The following MACROD2 variants were observed in gnomAD, a reference collection of about 807,000 sequenced individuals.
MACROD2 encodes the protein ADP-ribose glycohydrolase MACROD2.
In MACROD2, 36 loss-of-function variants were observed where a neutral mutation model predicts 70.4. The ratio of observed to expected loss-of-function variants is 0.51; its 90% CI spans 0.39 to 0.68. The LOEUF is 0.68. MACROD2 is among the 30% of genes least tolerant of loss of function. The probability of loss-of-function intolerance (pLI) is 0.00; values close to 1 mark genes in which losing one functional copy is unlikely to be tolerated. For missense variants in MACROD2, 496 were observed against 538.4 expected (o/e 0.92, Z 0.78); for synonymous variants, 172 against 178.8 (o/e 0.96, Z 0.30).
chr20:15,009,468 C>A (rs2075064871), intron 5 of MACROD2, among the ~76,000 whole-genome samples: 1 of 152,098 alleles, frequency 6.6e-6, no homozygotes, highest in Non-Finnish European at 1.5e-5. Context: ...CATCATCACT[C>A]CAGGTGTGTA....
intron 4 of MACROD2, among the ~76,000 whole-genome samples, chr20:14,589,840 A>C (rs1426921012): frequency 9.8e-5 from 15 of 152,332 alleles, no homozygotes; most frequent in African/African-American, 3.4e-4. Context: ...TAAATGCTAC[A>C]TACTGCTGTA....
At chr20:15,307,928 G>A (rs931659915) in intron 6 of MACROD2, among the ~76,000 whole-genome samples, 7 of 146,460 alleles carry the variant, frequency 4.8e-5, no homozygotes, top group African/African-American at 1.8e-4. Context: ...TTTGATCTTA[G>A]GATATCCCTA....
chr20:14,741,455 G>A (rs2071731050), intron 5 of MACROD2, among the ~76,000 whole-genome samples: 1 of 152,084 alleles, frequency 6.6e-6, no homozygotes, highest in South Asian at 2.1e-4. Flanking sequence ...TGATGATTAA[G>A]TACATTTACT....
chr20:15,773,944 G>C (rs1007446565), intron 8 of MACROD2, among the ~76,000 whole-genome samples: 3 of 152,068 alleles, frequency 2.0e-5, no homozygotes, highest in Admixed American at 1.3e-4. Flanking sequence ...CTTCCTTGGA[G>C]CAATGAATCA....
At chr20:15,753,354 G>C (rs1306459424) in intron 8 of MACROD2, among the ~76,000 whole-genome samples, 1 of 152,090 alleles carries the variant, frequency 6.6e-6, no homozygotes, top group African/African-American at 2.4e-5. Flanking sequence ...ACATGTAAGT[G>C]AGAACATGGA....
chr20:14,925,372 T>C (rs1431648186), intron 5 of MACROD2, among the ~76,000 whole-genome samples: 1 of 152,220 alleles, frequency 6.6e-6, no homozygotes, highest in Admixed American at 6.5e-5. Context: ...ATAGTGGTTA[T>C]ACATAATACT....
At chr20:14,009,009 A>G (rs2052861169) in intron 2 of MACROD2, among the ~76,000 whole-genome samples, 1 of 152,206 alleles carries the variant, frequency 6.6e-6, no homozygotes, top group Non-Finnish European at 1.5e-5. Flanking sequence ...ACCCCAAACT[A>G]AAAATCCTGG....
intron 3 of MACROD2, among the ~76,000 whole-genome samples, chr20:14,448,669 GAAAA>G (rs370604112): frequency 0.026 from 3,881 of 146,790 alleles, 80 homozygotes; most frequent in Non-Finnish European, 0.038. Context: ...CTCCCTCTCA[GAAAA>G]AAAAAAGAAA....
At position 14,973,571 on chromosome 20, in the gene MACROD2, C is replaced by A. The variant is rs541574646; in HGVS notation, c.419-256369C>A. 3.3e-5 allele frequency among the ~76,000 whole-genome samples: 5 copies of A among 152,134 alleles called. No homozygotes were observed. The South Asian group carries it at 1.0e-3, about 32-fold the overall frequency. ...GCAGAGGAAGGGTTTGCTTTCATATCTTTTTGCTTAGACAATGACCACTTG... is the reference window on the plus strand; with the variant it reads ...GCAGAGGAAGGGTTTGCTTTCATATATTTTTGCTTAGACAATGACCACTTG... On this transcript the variant is annotated intron_variant, in intron 5 of 17. Transcript: ENST00000684519.
At chr20:15,171,104 C>T (rs192491128) in intron 5 of MACROD2, among the ~76,000 whole-genome samples, 1 of 152,266 alleles carries the variant, frequency 6.6e-6, no homozygotes, top group Admixed American at 6.5e-5. Context: ...GGGGACCTAG[C>T]GTGGAGGAGG....
intron 12 of MACROD2, among the ~76,000 whole-genome samples, chr20:15,955,789 C>T (rs1291883511): frequency 6.6e-6 from 1 of 152,002 alleles, no homozygotes; most frequent in African/African-American, 2.4e-5. Flanking sequence ...AGAATATTTG[C>T]AAAATGTAGT....
intron 8 of MACROD2, among the ~76,000 whole-genome samples, chr20:15,583,312 G>A (rs1043380605): frequency 2.0e-5 from 3 of 152,166 alleles, no homozygotes; most frequent in Admixed American, 6.5e-5. Flanking sequence ...TGTGAAAAAC[G>A]GAGAAAGTAT....
At chr20:15,416,767 TG>T (rs5840666) in intron 6 of MACROD2, among the ~76,000 whole-genome samples, 1 of 150,814 alleles carries the variant, frequency 6.6e-6, no homozygotes, top group Non-Finnish European at 1.5e-5. Context: ...AGCGGGGCGG[TG>T]GGGGGGCGCC....
Position 15,078,090 on chromosome 20 carries a change from T to C in MACROD2, c.419-151850T>C, listed in dbSNP as rs1276609786. Among the ~76,000 whole-genome samples, 5 of 152,158 alleles carry C rather than the reference T, an allele frequency of 3.3e-5. No individual in the cohort carries two copies. In the South Asian group the frequency reaches 8.3e-4, roughly 25 times the overall value. ...CTAATTATGGAACATTCCAGCATTCTTCATAAAAAGTGAGCTTGGGGAGTT... is the reference window on the plus strand; with the variant it reads ...CTAATTATGGAACATTCCAGCATTCCTCATAAAAAGTGAGCTTGGGGAGTT... On this transcript the variant is annotated intron_variant, in intron 5 of 17. Coordinates refer to ENST00000684519, the MANE Select transcript of MACROD2 (RefSeq NM_001351661.2).
intron 3 of MACROD2, among the ~76,000 whole-genome samples, chr20:14,419,689 TTAAA>T (rs2083853905): frequency 6.6e-6 from 1 of 152,208 alleles, no homozygotes; most frequent in Admixed American, 6.5e-5. Flanking sequence ...ATAGAACAAT[TTAAA>T]TAAAATCAAA....
At chr20:14,139,077 C>G (rs181815318) in intron 3 of MACROD2, among the ~76,000 whole-genome samples, 8 of 152,048 alleles carry the variant, frequency 5.3e-5, no homozygotes, top group African/African-American at 1.9e-4. Context: ...CCATTAAAAA[C>G]AAAAAGAAAA....
At chr20:14,002,250 G>C (rs777439888) in intron 1 of MACROD2, 38 bp from the exon 2 acceptor site, 1 of 1,348,284 alleles carries the variant, frequency 7.4e-7, no homozygotes, top group African/African-American at 1.5e-5. Context: ...ATGTTTAAAC[G>C]TTAAATACAA....
intron 5 of MACROD2, among the ~76,000 whole-genome samples, chr20:14,766,227 T>C (rs1568783563): frequency 6.6e-6 from 1 of 152,094 alleles, no homozygotes; most frequent in Non-Finnish European, 1.5e-5. Context: ...TGGCTTACAC[T>C]GTTAGCCAAT....
intron 8 of MACROD2, among the ~76,000 whole-genome samples, chr20:15,703,126 A>G (rs1397209504): frequency 6.6e-6 from 1 of 152,232 alleles, no homozygotes; most frequent in Non-Finnish European, 1.5e-5. Context: ...CCTTTCACCA[A>G]ATACAAAAAT....
Sources: allele counts gnomAD v4.1 joint callset (sites outside exome capture counted in the v4.1 genomes callset), GRCh38; gene constraint gnomAD v4.1.1; transcripts MANE v1.5; gene names NCBI Gene and HGNC (gene_info 2026-07-23, HGNC 2026-07-21).